Variants in UBE2F observed in about 807,000 individuals in gnomAD.
The protein encoded by UBE2F is NEDD8-conjugating enzyme UBE2F.
In UBE2F, 5 loss-of-function variants were observed where a neutral mutation model predicts 29.6. The observed-to-expected ratio is 0.17, with a 90% CI of 0.09 to 0.36. The LOEUF (loss-of-function observed/expected upper bound fraction) is 0.36, where lower values mean the gene tolerates loss of function less well. Ranked by LOEUF, UBE2F falls within the 10% of genes least tolerant of loss-of-function variation. The pLI, the probability that UBE2F is intolerant of heterozygous loss-of-function variation, is 1.00. For missense variants in UBE2F, 141 were observed against 228.5 expected (o/e 0.62, Z 2.47); for synonymous variants, 66 against 81.8 (o/e 0.81, Z 1.04).
At chr2:238,014,404 T>C (rs183875452) in intron 4 of UBE2F, among the ~76,000 whole-genome samples, 3 of 152,312 alleles carry the variant, frequency 2.0e-5, no homozygotes, top group African/African-American at 7.2e-5. Context: ...AGAGAAGATA[T>C]AATCCTAATA....
At chr2:238,007,810 C>A (rs1187668883) in intron 4 of UBE2F, among the ~76,000 whole-genome samples, 1 of 152,078 alleles carries the variant, frequency 6.6e-6, no homozygotes, top group African/African-American at 2.4e-5. Flanking sequence ...TTTTACAAAT[C>A]CTTACCTGTC....
At chr2:238,021,029 G>GA (rs1425955130) in intron 5 of UBE2F, among the ~76,000 whole-genome samples, 1 of 152,242 alleles carries the variant, frequency 6.6e-6, no homozygotes, top group African/African-American at 2.4e-5. Context: ...CCTTAGCCCA[G>GA]ACCCTAGCTG....
intron 2 of UBE2F, among the ~76,000 whole-genome samples, chr2:237,975,246 C>T (rs773507041): frequency 9.2e-5 from 14 of 151,990 alleles, no homozygotes; most frequent in East Asian, 1.9e-4. Context: ...GGACTACAAG[C>T]GTGCACCACC....
At chr2:237,998,754 C>G (rs904723893) in intron 4 of UBE2F, among the ~76,000 whole-genome samples, 4 of 152,082 alleles carry the variant, frequency 2.6e-5, no homozygotes, top group African/African-American at 9.7e-5. Flanking sequence ...GTGCCATACC[C>G]TGACCAGCAC....
In UBE2F at chr2:238,040,530, A is replaced by G. The variant is rs1031075753; in HGVS notation, c.508-758A>G. Among the ~76,000 whole-genome samples, 1 of 152,184 alleles carries G rather than the reference A, an allele frequency of 6.6e-6. No individual in the cohort carries two copies. Among genetic ancestry groups the G allele is most frequent in the Non-Finnish European group, 1.5e-5 (1 of 68,038 alleles). ...CCTGCAGGGACATCTGAGACCCAGC[A>G]GCTGTGTTGTAGGAGTGAGAGGGTT... On this transcript the variant is annotated intron_variant, in intron 9 of 9. Coordinates refer to ENST00000272930, the MANE Select transcript of UBE2F (RefSeq NM_080678.3). This position sits in a 1 kb window ranked among gnomAD's most constrained non-coding sequence, Gnocchi z 4.4.
intron 9 of UBE2F, among the ~76,000 whole-genome samples, chr2:238,038,042 G>A (rs1039903895): frequency 2.6e-5 from 4 of 152,322 alleles, no homozygotes; most frequent in African/African-American, 7.2e-5. Flanking sequence ...CCAAGTCCTC[G>A]CTACAGTCTT....
chr2:238,034,675 A>G (rs1029972108), intron 8 of UBE2F, among the ~76,000 whole-genome samples: 5 of 152,064 alleles, frequency 3.3e-5, no homozygotes, highest in African/African-American at 9.7e-5. Context: ...TTGGAATCTG[A>G]TTTTCCAACT....
chr2:238,036,561 G>A (rs1008426870), intron 9 of UBE2F, among the ~76,000 whole-genome samples: 11 of 152,160 alleles, frequency 7.2e-5, no homozygotes, highest in Admixed American at 6.5e-5. Context: ...TAGCATGGTG[G>A]CGTTGTGATT....
At chr2:237,994,879 CT>C in intron 4 of UBE2F, 70 bp downstream of exon 4, 1 of 1,288,454 alleles carries the variant, frequency 7.8e-7, no homozygotes, top group Non-Finnish European at 1.1e-6. Context: ...AACCTGTAAT[CT>C]TTGCTTTGGT....
At chr2:238,032,485 C>A (rs1045662500) in intron 8 of UBE2F, 2 of 482,328 alleles carry the variant, frequency 4.1e-6, no homozygotes, top group Non-Finnish European at 7.5e-6. Flanking sequence ...CATAGTGGCA[C>A]ATGTCTGTAG....
At position 238,040,758 on chromosome 2, in the gene UBE2F, T is replaced by C. The variant is rs1242091850; in HGVS notation, c.508-530T>C. On this transcript the variant is annotated intron_variant, in intron 9 of 9. Transcript: ENST00000272930. The surrounding 1 kb of genome is among the most constrained non-coding windows in gnomAD (Gnocchi z 4.4). ...ATTTCAATGCATGAGGATGGAGCTC[T>C]GTGGCACACCCAGCTCTCTTCTGGG... 6.6e-6 allele frequency among the ~76,000 whole-genome samples: 1 copy of C among 152,140 alleles called. No individual in the cohort carries two copies. Among genetic ancestry groups the C allele is most frequent in the Non-Finnish European group, 1.5e-5 (1 of 68,020 alleles).
At chr2:237,983,893 C>T (rs1036435189) in intron 2 of UBE2F, among the ~76,000 whole-genome samples, 10 of 152,074 alleles carry the variant, frequency 6.6e-5, no homozygotes, top group African/African-American at 2.2e-4. Flanking sequence ...GTTCCTTGGC[C>T]GTTGCTTTCT....
chr2:238,032,976 A>G (rs1285226720), intron 8 of UBE2F, among the ~76,000 whole-genome samples: 1 of 152,064 alleles, frequency 6.6e-6, no homozygotes, highest in African/African-American at 2.4e-5. Context: ...TTTCTAGGGG[A>G]TGAGGCTGGT....
At chr2:237,975,694 A>G (rs189573776) in intron 2 of UBE2F, among the ~76,000 whole-genome samples, 3 of 152,312 alleles carry the variant, frequency 2.0e-5, no homozygotes, top group East Asian at 3.9e-4. Flanking sequence ...GACAGAATGC[A>G]GTGGCATGAT....
intron 2 of UBE2F, among the ~76,000 whole-genome samples, chr2:237,979,155 T>C (rs2063336328): frequency 6.6e-6 from 1 of 152,098 alleles, no homozygotes. Flanking sequence ...AAGTCTGGAG[T>C]TAGGGGAGCT....
chr2:238,025,178 G>T (rs2064391243), intron 5 of UBE2F, 164 bp from the exon 6 acceptor site: 10 of 639,642 alleles, frequency 1.6e-5, no homozygotes, highest in South Asian at 1.5e-4. Context: ...TCATGGGTGA[G>T]GTGAGCCAGT....
intron 2 of UBE2F, among the ~76,000 whole-genome samples, chr2:237,973,978 TAA>T (rs1576587195): frequency 1.3e-5 from 2 of 152,210 alleles, no homozygotes; most frequent in East Asian, 3.8e-4. Context: ...TTATTTATAA[TAA>T]AGTTAACTTT....
chr2:237,998,038 G>T (rs925153654), intron 4 of UBE2F, among the ~76,000 whole-genome samples: 1 of 152,162 alleles, frequency 6.6e-6, no homozygotes, highest in Non-Finnish European at 1.5e-5. Flanking sequence ...GTTGATGAAG[G>T]TCACCTCAGC....
intron 4 of UBE2F, among the ~76,000 whole-genome samples, chr2:238,008,145 AT>A: frequency 6.6e-6 from 1 of 151,858 alleles, no homozygotes; most frequent in South Asian, 2.1e-4. Flanking sequence ...CCAGCTAATT[AT>A]TTTTTGTAGA....
Sources: allele counts gnomAD v4.1 joint callset (sites outside exome capture counted in the v4.1 genomes callset), GRCh38; gene constraint gnomAD v4.1.1; non-coding constraint Gnocchi (gnomAD v3.1); transcripts MANE v1.5; gene names NCBI Gene and HGNC (gene_info 2026-07-23, HGNC 2026-07-21).